Variants in GAS2 observed in about 807,000 individuals in gnomAD.
GAS2 encodes growth arrest-specific protein 2.
In GAS2, 20 loss-of-function variants were observed where a neutral mutation model predicts 37.5. The observed-to-expected ratio is 0.53, with a 90% confidence interval of 0.37 to 0.77. The LOEUF (loss-of-function observed/expected upper bound fraction) is 0.77. GAS2 is among the 30% of genes least tolerant of loss of function. The pLI is 0.00. For synonymous variants in GAS2, 144 were observed against 132.2 expected (o/e 1.09, Z -0.61); for missense variants, 336 against 373.4 (o/e 0.90, Z 0.82).
At chr11:22,708,350 A>T (rs572722412) in intron 3 of GAS2, among the ~76,000 whole-genome samples, 2 of 152,292 alleles carry the variant, frequency 1.3e-5, no homozygotes, top group East Asian at 3.9e-4. Flanking sequence ...TTTTATTTAA[A>T]TTAGTTTAAA....
At chr11:22,692,599 C>A (rs1273768478) in intron 3 of GAS2, among the ~76,000 whole-genome samples, 1 of 152,108 alleles carries the variant, frequency 6.6e-6, no homozygotes, top group African/African-American at 2.4e-5. Context: ...TTCTGATTAG[C>A]CTTTCCAAAG....
At chr11:22,778,343 G>A (rs560909832) in intron 7 of GAS2, among the ~76,000 whole-genome samples, 4 of 152,278 alleles carry the variant, frequency 2.6e-5, no homozygotes, top group South Asian at 2.1e-4. Context: ...ATGAGACAAG[G>A]TCCCTGCTGT....
At chr11:22,801,876 T>A (rs1856678752) in intron 7 of GAS2, among the ~76,000 whole-genome samples, 1 of 152,102 alleles carries the variant, frequency 6.6e-6, no homozygotes, top group Non-Finnish European at 1.5e-5. Context: ...GGAAACACTT[T>A]CCCTCTTACT....
chr11:22,693,017 T>C (rs75479153), intron 3 of GAS2, among the ~76,000 whole-genome samples: 1 of 152,152 alleles, frequency 6.6e-6, no homozygotes, highest in Non-Finnish European at 1.5e-5. Context: ...TTCATGAGAT[T>C]TATTCTCTAC....
intron 7 of GAS2, among the ~76,000 whole-genome samples, chr11:22,771,754 GA>G (rs1854992358): frequency 6.6e-6 from 1 of 152,042 alleles, no homozygotes; most frequent in Non-Finnish European, 1.5e-5. Context: ...TACATTATGA[GA>G]ATTTTTAGAT....
At chr11:22,714,663 ACT>A (rs1851573726) in intron 3 of GAS2, among the ~76,000 whole-genome samples, 1 of 152,158 alleles carries the variant, frequency 6.6e-6, no homozygotes, top group East Asian at 1.9e-4. Flanking sequence ...TATATCAAGT[ACT>A]CTCTCAGCCC....
rs534719356 is a variant in GAS2, at chr11:22,782,736, A to T, written c.723+26783A>T. ...TGCATCCATGTTGCTGCAAAAAAAA[A>T]AAAAATAATAATAATAATGTGATTT... On this transcript the variant is annotated intron_variant, in intron 7 of 7. Transcript: ENST00000454584. 3.7e-3 allele frequency among the ~76,000 whole-genome samples: 547 copies of T among 149,034 alleles called. 2 individuals are homozygous for T. Among genetic ancestry groups the T allele is most frequent in the Non-Finnish European group, 5.8e-3 (391 of 67,620 alleles).
chr11:22,776,406 A>G (rs891742269), intron 7 of GAS2, among the ~76,000 whole-genome samples: 1 of 152,340 alleles, frequency 6.6e-6, no homozygotes, highest in Admixed American at 6.5e-5. Context: ...GACCCCTGAC[A>G]TTGATCACTA....
intron 7 of GAS2, among the ~76,000 whole-genome samples, chr11:22,806,410 G>T (rs927456073): frequency 7.9e-5 from 12 of 152,084 alleles, no homozygotes; most frequent in African/African-American, 2.7e-4. Flanking sequence ...AGTAAACCTG[G>T]GAGTGCAGAT....
chr11:22,631,401 C>T (rs1234885167), intron 1 of GAS2, among the ~76,000 whole-genome samples: 2 of 152,040 alleles, frequency 1.3e-5, no homozygotes, highest in Non-Finnish European at 2.9e-5. Flanking sequence ...AAGTGGACAT[C>T]TTTGTCTCGT....
intron 6 of GAS2, among the ~76,000 whole-genome samples, chr11:22,752,023 A>C (rs1414942657): frequency 6.6e-6 from 1 of 152,082 alleles, no homozygotes; most frequent in African/African-American, 2.4e-5. Context: ...TAGGAAATAT[A>C]CAATGTGGAT....
upstream of GAS2, among the ~76,000 whole-genome samples, chr11:22,666,317 T>TA (rs1307638068): frequency 6.6e-6 from 1 of 152,232 alleles, no homozygotes; most frequent in South Asian, 2.1e-4. Context: ...TGGCCGAAGT[T>TA]ACTGGAAAGC....
intron 7 of GAS2, among the ~76,000 whole-genome samples, chr11:22,806,495 C>A (rs1021631043): frequency 1.3e-5 from 2 of 152,020 alleles, no homozygotes; most frequent in African/African-American, 4.8e-5. Flanking sequence ...TCACATGGTA[C>A]CTTTATTTTT....
intron 7 of GAS2, among the ~76,000 whole-genome samples, chr11:22,767,991 C>T (rs1257950489): frequency 1.3e-5 from 2 of 152,140 alleles, no homozygotes; most frequent in Non-Finnish European, 2.9e-5. Flanking sequence ...CCAGCAGGCA[C>T]CTCCTTCATC....
intron 1 of GAS2, among the ~76,000 whole-genome samples, chr11:22,661,184 G>T (rs1188763602): frequency 1.3e-5 from 2 of 152,122 alleles, no homozygotes; most frequent in Non-Finnish European, 2.9e-5. Context: ...TAGTAATAAA[G>T]ATGCAAAATT....
At chr11:22,645,381 G>T (rs1444044486) in intron 1 of GAS2, among the ~76,000 whole-genome samples, 1 of 151,886 alleles carries the variant, frequency 6.6e-6, no homozygotes, top group African/African-American at 2.4e-5. Context: ...GGTAGCATGC[G>T]CCTGTAGCCC....
At chr11:22,710,824 T>G (rs1425713141) in intron 3 of GAS2, among the ~76,000 whole-genome samples, 1 of 152,210 alleles carries the variant, frequency 6.6e-6, no homozygotes, top group South Asian at 2.1e-4. Context: ...CTGTTTTTCC[T>G]TCTGCAGAAG....
intron 1 of GAS2, among the ~76,000 whole-genome samples, chr11:22,648,076 A>T (rs1360874120): frequency 6.6e-6 from 1 of 152,212 alleles, no homozygotes; most frequent in Non-Finnish European, 1.5e-5. Context: ...TTAAGTCTTC[A>T]ATCCATCTTG....
chr11:22,723,114 C>T (rs1852024912), intron 3 of GAS2, among the ~76,000 whole-genome samples: 1 of 151,756 alleles, frequency 6.6e-6, no homozygotes, highest in Non-Finnish European at 1.5e-5. Context: ...AAATTGGAAG[C>T]TTCTATTCAC....
Sources: allele counts gnomAD v4.1 joint callset (sites outside exome capture counted in the v4.1 genomes callset), GRCh38; gene constraint gnomAD v4.1.1; transcripts MANE v1.5; gene names NCBI Gene and HGNC (gene_info 2026-07-23, HGNC 2026-07-21).